SMYD3: variants seen among roughly 807,000 people sequenced by gnomAD.
The protein encoded by SMYD3 is histone-lysine N-methyltransferase SMYD3.
In SMYD3, 36 loss-of-function variants were observed where a neutral mutation model predicts 57.7. That is an observed-to-expected ratio of 0.62 (90% CI 0.48 to 0.82). The LOEUF is 0.82. SMYD3 is among the 40% of genes least tolerant of loss of function. The pLI, the probability that SMYD3 is intolerant of heterozygous loss-of-function variation, is 0.00. For synonymous variants in SMYD3, 211 were observed against 195.0 expected (o/e 1.08, Z -0.68); for missense variants, 515 against 538.8 (o/e 0.96, Z 0.44).
At chr1:246,311,092 A>G (rs1021908537) in intron 5 of SMYD3, among the ~76,000 whole-genome samples, 3 of 152,228 alleles carry the variant, frequency 2.0e-5, no homozygotes, top group Non-Finnish European at 4.4e-5. Flanking sequence ...TTATTTTGTA[A>G]TTGAAAACAT....
chr1:246,461,775 G>A (rs999166440), intron 1 of SMYD3, among the ~76,000 whole-genome samples: 5 of 149,940 alleles, frequency 3.3e-5, no homozygotes, highest in Admixed American at 2.0e-4. Context: ...AAATGTATTC[G>A]CAAACTTTGT....
At chr1:245,845,558 C>T (rs1174058425) in intron 10 of SMYD3, among the ~76,000 whole-genome samples, 1 of 152,198 alleles carries the variant, frequency 6.6e-6, no homozygotes, top group African/African-American at 2.4e-5. Flanking sequence ...GGTAGGACCT[C>T]AGCTGCTTTC....
intron 5 of SMYD3, among the ~76,000 whole-genome samples, chr1:246,245,426 G>A (rs2063686633): frequency 6.6e-6 from 1 of 152,102 alleles, no homozygotes; most frequent in African/African-American, 2.4e-5. Flanking sequence ...CTGGGTGACA[G>A]AACGAGACTC....
chr1:246,468,160 TAAA>T (rs58291905), intron 1 of SMYD3, among the ~76,000 whole-genome samples: 1 of 130,436 alleles, frequency 7.7e-6, no homozygotes. Flanking sequence ...GACTCTGTCT[TAAA>T]AAAAAAAAAA....
chr1:245,797,953 G>C (rs974410216), intron 10 of SMYD3, among the ~76,000 whole-genome samples: 1 of 151,966 alleles, frequency 6.6e-6, no homozygotes, highest in Non-Finnish European at 1.5e-5. Context: ...ATATGGGTTT[G>C]AGGATGCTCA....
chr1:246,474,442 C>T (rs2068001318), intron 1 of SMYD3, among the ~76,000 whole-genome samples: 1 of 149,432 alleles, frequency 6.7e-6, no homozygotes, highest in Admixed American at 6.7e-5. Context: ...TCGCTTGAAC[C>T]CGGGAGGCAG....
rs2060200357 is a variant in SMYD3 at position 246,058,864 on chromosome 1, C to T, written c.532-128927G>A. Among the ~76,000 whole-genome samples the T allele has an allele frequency of 1.3e-5, 2 of 151,072 alleles. 1 individual carries two copies. Among genetic ancestry groups the T allele is most frequent in the Admixed American group, 1.3e-4 (2 of 15,150 alleles). On this transcript the variant is annotated intron_variant, in intron 5 of 11. Transcript: ENST00000490107. ...ATAGTTAACAAAGGTGCCCATTTAC[C>T]TACTCAAATCCACATTTCTTTTTTT...
Position 246,125,077 on chromosome 1 carries a change from A to ACACACACACACACACAC in SMYD3, c.532-195141_532-195140insGTGTGTGTGTGTGTGTG, listed in dbSNP as rs1553295580. ...ACAGAGCGAGACTCCGTCTCAAAAA[A>ACACACACACACACACAC]AAAAAAAAAAACACACACACACACA... On this transcript the variant is annotated intron_variant, in intron 5 of 11. Coordinates refer to ENST00000490107, the MANE Select transcript of SMYD3 (RefSeq NM_001167740.2). Among the ~76,000 whole-genome samples the ACACACACACACACACAC allele has an allele frequency of 8.1e-4, 85 of 104,310 alleles. 1 individual carries two copies. The highest frequency in any genetic ancestry group is 1.6e-3 in the South Asian group (6 of 3,820). 68.4% of individuals were successfully genotyped at this position (104,310 alleles called of 152,430 possible).
intron 1 of SMYD3, chr1:246,483,330 T>C (rs548919201): frequency 1.3e-5 from 2 of 152,244 alleles, no homozygotes; most frequent in Non-Finnish European, 2.9e-5. Flanking sequence ...CATACTAAAA[T>C]GGCAATGAAA....
rs1365062833 is a variant in SMYD3, at chr1:246,167,677, A to G, written c.531+159524T>C. Among the ~76,000 whole-genome samples the G allele has an allele frequency of 2.6e-5, 4 of 151,712 alleles. No homozygotes were observed. The South Asian group carries it at 6.3e-4, about 24-fold the overall frequency. The stretch of plus-strand genomic sequence containing the variant: ...AGGCACACCCCACCAGGCCTGGCTA[A>G]TTTTTGTATTTTTAGGAGAGACAGG... On this transcript the variant is annotated intron_variant, in intron 5 of 11. Transcript: ENST00000490107.
At chr1:245,774,065 C>T (rs556793983) in intron 10 of SMYD3, among the ~76,000 whole-genome samples, 24 of 125,456 alleles carry the variant, frequency 1.9e-4, no homozygotes, top group Admixed American at 1.1e-3. Flanking sequence ...CAATGTAGAA[C>T]GCTCGATGAA....
chr1:246,241,225 G>C (rs1237161829), intron 5 of SMYD3, among the ~76,000 whole-genome samples: 4 of 152,104 alleles, frequency 2.6e-5, no homozygotes, highest in Non-Finnish European at 4.4e-5. Context: ...ACTGGCTGTG[G>C]GTTTGTCATA....
intron 5 of SMYD3, among the ~76,000 whole-genome samples, chr1:245,950,378 C>T (rs1317265093): frequency 6.6e-6 from 1 of 152,164 alleles, no homozygotes; most frequent in East Asian, 1.9e-4. Flanking sequence ...GTCCCTGTAC[C>T]TATCGCCATG....
intron 8 of SMYD3, among the ~76,000 whole-genome samples, chr1:245,873,469 C>CA (rs1449810793): frequency 2.6e-5 from 4 of 152,174 alleles, no homozygotes; most frequent in Non-Finnish European, 4.4e-5. Context: ...AAAGATTTTA[C>CA]AGGAAAATTG....
chr1:246,120,613 C>G (rs1193604211), intron 5 of SMYD3, among the ~76,000 whole-genome samples: 10 of 152,084 alleles, frequency 6.6e-5, no homozygotes, highest in Non-Finnish European at 1.3e-4. Context: ...TATGTTGTGT[C>G]CAGTTCTGTA....
chr1:245,847,731 T>C (rs10754479), intron 10 of SMYD3, among the ~76,000 whole-genome samples: 62,056 of 152,006 alleles, frequency 0.41, 13,264 homozygotes, highest in East Asian at 0.8. Flanking sequence ...TCCTGCTGCT[T>C]AGAGTACAAT....
chr1:245,771,372 T>C (rs2046330365), intron 10 of SMYD3, among the ~76,000 whole-genome samples: 1 of 152,230 alleles, frequency 6.6e-6, no homozygotes, highest in Admixed American at 6.5e-5. Context: ...TGTGTACATT[T>C]GAAAATTTTC....
chr1:245,982,526 G>A (rs2058619647), intron 5 of SMYD3, among the ~76,000 whole-genome samples: 2 of 152,266 alleles, frequency 1.3e-5, no homozygotes, highest in South Asian at 4.1e-4. Flanking sequence ...TAATATAATA[G>A]TAAAGGCTCA....
intron 5 of SMYD3, among the ~76,000 whole-genome samples, chr1:246,283,177 A>G (rs1388243343): frequency 6.6e-6 from 1 of 152,218 alleles, no homozygotes; most frequent in East Asian, 1.9e-4. Context: ...ATCTGGACTC[A>G]GGGTGGCTTG....
Sources: allele counts gnomAD v4.1 joint callset (sites outside exome capture counted in the v4.1 genomes callset), GRCh38; gene constraint gnomAD v4.1.1; transcripts MANE v1.5; gene names NCBI Gene and HGNC (gene_info 2026-07-23, HGNC 2026-07-21).